Variants in CACNA1C observed in about 807,000 individuals in gnomAD.
CACNA1C encodes calcium voltage-gated channel subunit alpha1 C.
Under a neutral mutation model 229.0 loss-of-function variants are expected in CACNA1C, and 30 were observed. That is an observed-to-expected ratio of 0.13 (90% CI 0.10 to 0.18). The LOEUF is 0.18. Ranked by LOEUF, CACNA1C falls within the 10% of genes least tolerant of loss-of-function variation. The pLI is 1.00. For missense variants in CACNA1C, 1,658 were observed against 2,845.0 expected, an observed-to-expected ratio of 0.58 and a Z score of 9.49; for synonymous variants, 1,114 against 1,132.5, an observed-to-expected ratio of 0.98 and a Z score of 0.33.
chr12:2,463,703 C>A (rs1415817290), intron 5 of CACNA1C, among the ~76,000 whole-genome samples: 1 of 152,198 alleles, frequency 6.6e-6, no homozygotes, highest in Non-Finnish European at 1.5e-5. Flanking sequence ...GAGATGCACA[C>A]TGTGAGGCTG....
At chr12:2,369,908 C>CAAA (rs2097815565) in intron 3 of CACNA1C, among the ~76,000 whole-genome samples, 1 of 152,116 alleles carries the variant, frequency 6.6e-6, no homozygotes, top group Non-Finnish European at 1.5e-5. Context: ...AAAACTTTTA[C>CAAA]CCACAGAAAA....
intron 1 of CACNA1C, among the ~76,000 whole-genome samples, chr12:2,098,037 A>C (rs2074981011): frequency 6.6e-6 from 1 of 152,216 alleles, no homozygotes. Context: ...GAGCCAGAGA[A>C]GGAACGTGAT....
At chr12:2,064,233 T>TTC (rs1353690365) in intron 1 of CACNA1C, among the ~76,000 whole-genome samples, 6 of 152,224 alleles carry the variant, frequency 3.9e-5, no homozygotes, top group Admixed American at 3.9e-4. Context: ...TGACCTGGCT[T>TTC]CGTAACTCAA....
intron 3 of CACNA1C, among the ~76,000 whole-genome samples, chr12:2,432,980 C>A (rs2099100680): frequency 6.6e-6 from 1 of 152,178 alleles, no homozygotes; most frequent in Admixed American, 6.5e-5. Context: ...AGAGACTAAC[C>A]CTGTGCCACT....
chr12:2,096,988 A>G (rs2074288518), intron 1 of CACNA1C, among the ~76,000 whole-genome samples: 1 of 152,164 alleles, frequency 6.6e-6, no homozygotes, highest in Non-Finnish European at 1.5e-5. Context: ...GTTGACGGAC[A>G]CTTGGGTTGT....
intron 3 of CACNA1C, among the ~76,000 whole-genome samples, chr12:2,237,835 T>C (rs932902486): frequency 1.3e-4 from 20 of 152,246 alleles, no homozygotes; most frequent in Non-Finnish European, 1.2e-4. Context: ...CATCCTTCGA[T>C]AGAACATTAA....
intron 30 of CACNA1C, among the ~76,000 whole-genome samples, chr12:2,641,115 G>A (rs2093645412): frequency 6.6e-6 from 1 of 152,248 alleles, no homozygotes; most frequent in Admixed American, 6.5e-5. Flanking sequence ...TGAGGAAGGA[G>A]GGTAGAGAGA....
At chr12:2,562,833 T>G (rs969569216) in intron 11 of CACNA1C, among the ~76,000 whole-genome samples, 2 of 152,254 alleles carry the variant, frequency 1.3e-5, no homozygotes, top group Non-Finnish European at 2.9e-5. Flanking sequence ...ACCAGGGTTA[T>G]CAGGGTGTTC....
At chr12:2,241,341 C>T (rs2070100645) in intron 3 of CACNA1C, among the ~76,000 whole-genome samples, 1 of 152,098 alleles carries the variant, frequency 6.6e-6, no homozygotes, top group Non-Finnish European at 1.5e-5. Flanking sequence ...CTGTAATTTG[C>T]CCAAGGTCAC....
chr12:2,399,091 C>T (rs1040522131), intron 3 of CACNA1C, among the ~76,000 whole-genome samples: 8 of 152,240 alleles, frequency 5.3e-5, no homozygotes, highest in African/African-American at 1.9e-4. Flanking sequence ...GCACTCTAAC[C>T]CTTTGTGGGA....
At position 2,689,787 on chromosome 12, in the gene CACNA1C, C is replaced by G. The variant is rs2097716885; in HGVS notation, c.6117+1008C>G. On this transcript the variant is annotated intron_variant, in intron 46 of 46. Transcript: ENST00000399655. This position sits in a 1 kb window ranked among gnomAD's most constrained non-coding sequence, Gnocchi z 4.2. ...AGGCCCTGTTCTAGGTACAGGGACACAGCTGAGAAACAGAGCTTCTGCTCT... is the reference window on the plus strand; with the variant it reads ...AGGCCCTGTTCTAGGTACAGGGACAGAGCTGAGAAACAGAGCTTCTGCTCT... 1 of 152,238 alleles carries G rather than the reference C, an allele frequency of 6.6e-6. No individual in the cohort carries two copies. The highest frequency in any genetic ancestry group is 6.5e-5 in the Admixed American group (1 of 15,278). The allele number at this position is 152,238 out of a possible 1,614,324, so 9.4% of individuals were successfully genotyped here. A position where few individuals can be genotyped will look rare whatever the true frequency, so the allele number is the denominator to read the frequency against.
intron 3 of CACNA1C, among the ~76,000 whole-genome samples, chr12:2,268,851 TGC>T (rs933041562): frequency 1.3e-5 from 2 of 152,174 alleles, no homozygotes; most frequent in Non-Finnish European, 2.9e-5. Context: ...TTAATCTTGG[TGC>T]TGTTCATTCC....
At chr12:2,471,698 T>C (rs2099593788) in intron 5 of CACNA1C, among the ~76,000 whole-genome samples, 1 of 152,232 alleles carries the variant, frequency 6.6e-6, no homozygotes, top group Admixed American at 6.5e-5. Flanking sequence ...TTTTTTTCTT[T>C]CTGAGACGGA....
At chr12:2,592,264 C>G (rs925928142) in intron 18 of CACNA1C, among the ~76,000 whole-genome samples, 1 of 152,174 alleles carries the variant, frequency 6.6e-6, no homozygotes, top group African/African-American at 2.4e-5. Context: ...GTAATAAAAG[C>G]AGCAAACACT....
intron 10 of CACNA1C, 71 bp downstream of exon 10, chr12:2,550,104 A>G (rs2099895014): frequency 9.4e-7 from 1 of 1,062,986 alleles, no homozygotes; most frequent in Admixed American, 2.0e-5. Context: ...GCATCTGGAA[A>G]TCACAGTGGG....
chr12:2,129,927 G>A (rs996789772), intron 3 of CACNA1C, among the ~76,000 whole-genome samples: 6 of 152,192 alleles, frequency 3.9e-5, no homozygotes, highest in Non-Finnish European at 8.8e-5. Flanking sequence ...AATAGATCCT[G>A]ATTGAGGACC....
At chr12:2,021,786 A>G (rs1404135119) in intron 1 of CACNA1C, among the ~76,000 whole-genome samples, 1 of 152,192 alleles carries the variant, frequency 6.6e-6, no homozygotes, top group Non-Finnish European at 1.5e-5. Flanking sequence ...ACATGGCAGA[A>G]GGCAAGAGAG....
At position 2,679,988 on chromosome 12, in the gene CACNA1C, C is replaced by A. The variant is rs866453888; in HGVS notation, c.5444+192C>A. On this transcript the variant is annotated intron_variant, in intron 42 of 46. Coordinates refer to ENST00000399655, the MANE Select transcript of CACNA1C (RefSeq NM_000719.7). The surrounding 1 kb of genome is among the most constrained non-coding windows in gnomAD (Gnocchi z 5.5). Reference sequence around the variant, plus strand: ...AAGTCCTGCCCTTGATCAGACCTGGCAGGCTCAGGGCAAGTCAGCAGTGGC... The same window carrying A: ...AAGTCCTGCCCTTGATCAGACCTGGAAGGCTCAGGGCAAGTCAGCAGTGGC... Among the ~76,000 whole-genome samples, 29 of 152,322 alleles carry A rather than the reference C, an allele frequency of 1.9e-4. No homozygotes were observed. Among genetic ancestry groups the A allele is most frequent in the Middle Eastern group, 3.4e-3 (1 of 294 alleles).
At chr12:2,256,258 T>G (rs1412519483) in intron 3 of CACNA1C, among the ~76,000 whole-genome samples, 1 of 152,178 alleles carries the variant, frequency 6.6e-6, no homozygotes, top group Non-Finnish European at 1.5e-5. Flanking sequence ...TTGCACATAT[T>G]AAATTTTGAG....
Sources: allele counts gnomAD v4.1 joint callset (sites outside exome capture counted in the v4.1 genomes callset), GRCh38; gene constraint gnomAD v4.1.1; non-coding constraint Gnocchi (gnomAD v3.1); transcripts MANE v1.5; gene names NCBI Gene and HGNC (gene_info 2026-07-23, HGNC 2026-07-21).